DNASE1: variants seen among roughly 807,000 people sequenced by gnomAD.
DNASE1 encodes deoxyribonuclease-1.
Under a neutral mutation model 33.9 loss-of-function variants are expected in DNASE1, and 40 were observed. The ratio of observed to expected loss-of-function variants is 1.18; its 90% confidence interval spans 0.92 to 1.54. DNASE1 has a LOEUF of 1.54. DNASE1 is among the 40% of genes most tolerant of loss of function. DNASE1 has a pLI of 0.00. For synonymous variants in DNASE1, 216 were observed against 160.0 expected (o/e 1.35, Z -2.64); for missense variants, 518 against 372.6 (o/e 1.39, Z -3.21).
intron 1 of DNASE1, among the ~76,000 whole-genome samples, chr16:3,643,909 CGCCATCATGCCCG>C (rs1453144668): frequency 6.6e-6 from 1 of 152,034 alleles, no homozygotes; most frequent in Non-Finnish European, 1.5e-5. Flanking sequence ...TACAGGCGCC[CGCCATCATGCCCG>C]GCTAATTTTT....
intron 1 of DNASE1, among the ~76,000 whole-genome samples, chr16:3,646,985 A>G (rs2042191729): frequency 6.6e-6 from 1 of 152,120 alleles, no homozygotes; most frequent in South Asian, 2.1e-4. Flanking sequence ...ATGATGCCTG[A>G]TGCCCGATGC....
In DNASE1 at chr16:3,655,605, G is replaced by A. The variant is rs370148929; in HGVS notation, c.147+85G>A. 2.1e-5 allele frequency: 34 copies of A among 1,596,314 alleles called. No individual in the cohort carries two copies. The African/African-American group carries it at 2.5e-4, about 12-fold the overall frequency. ...GCAGGGCCAGCCCTATGGAGCCACAGGGTGTCGGGTGTGGGGTACTGAGCA... is the reference window on the plus strand; with the variant it reads ...GCAGGGCCAGCCCTATGGAGCCACAAGGTGTCGGGTGTGGGGTACTGAGCA... On this transcript the variant is annotated intron_variant, in intron 2 of 8. Transcript: ENST00000246949.
At chr16:3,616,905 G>A (rs2041122807) in intron 1 of DNASE1, among the ~76,000 whole-genome samples, 1 of 152,162 alleles carries the variant, frequency 6.6e-6, no homozygotes, top group South Asian at 2.1e-4. Context: ...AAAGAGTAGT[G>A]TCTTCCACAA....
At chr16:3,661,258 AAAAG>A (rs1390388982), downstream of DNASE1, 2 of 152,206 alleles carry the variant, frequency 1.3e-5, no homozygotes, top group East Asian at 3.8e-4. Context: ...TGATACTGTA[AAAAG>A]AAAGAAACTC....
At chr16:3,634,634 C>G (rs760622089) in intron 1 of DNASE1, among the ~76,000 whole-genome samples, 7 of 151,972 alleles carry the variant, frequency 4.6e-5, no homozygotes, top group Non-Finnish European at 7.4e-5. Flanking sequence ...TTCAGCCCCT[C>G]AAGTAGCTGA....
At chr16:3,639,984 C>G (rs1022414128), upstream of DNASE1, among the ~76,000 whole-genome samples, 2 of 152,100 alleles carry the variant, frequency 1.3e-5, no homozygotes, top group African/African-American at 4.8e-5. Context: ...CAGTTAAGTC[C>G]CTTGGAAGCA....
chr16:3,657,904 A>T lies in DNASE1; in HGVS notation c.802-2A>T, dbSNP rs761644634. 2.5e-6 allele frequency: 4 copies of T among 1,614,004 alleles called. No homozygotes were observed. The South Asian group carries it at 4.4e-5, about 18-fold the overall frequency. Reference sequence around the variant, plus strand: ...CCAGACCCTGTGCCCACTTGCCTGCAGGCCCAAGCCATCAGTGACCACTAT... The same window carrying T: ...CCAGACCCTGTGCCCACTTGCCTGCTGGCCCAAGCCATCAGTGACCACTAT... On this transcript the variant is annotated splice_acceptor_variant, in intron 8 of 8. Coordinates refer to ENST00000246949, the MANE Select transcript of DNASE1 (RefSeq NM_005223.4). LOFTEE classifies it high-confidence loss of function.
chr16:3,637,959 C>G (rs369558362), upstream of DNASE1, among the ~76,000 whole-genome samples: 1 of 152,136 alleles, frequency 6.6e-6, no homozygotes, highest in Non-Finnish European at 1.5e-5. Context: ...GGGTTGTTTG[C>G]CAGTTCAGTG....
At chr16:3,643,386 G>T (rs1483064784) in intron 1 of DNASE1, among the ~76,000 whole-genome samples, 1 of 152,264 alleles carries the variant, frequency 6.6e-6, no homozygotes, top group Non-Finnish European at 1.5e-5. Context: ...GTTGGGGCCT[G>T]TCAGGTGCAG....
upstream of DNASE1, among the ~76,000 whole-genome samples, chr16:3,638,556 T>G (rs2041942492): frequency 6.6e-6 from 1 of 152,222 alleles, no homozygotes; most frequent in Non-Finnish European, 1.5e-5. Context: ...GCCAGGATGG[T>G]CTTGTTCTCC....
intron 1 of DNASE1, among the ~76,000 whole-genome samples, chr16:3,621,332 C>G (rs1021660447): frequency 4.6e-5 from 7 of 152,186 alleles, no homozygotes; most frequent in Admixed American, 1.3e-4. Context: ...GGTGATCCTC[C>G]TGCCTCCAAA....
At chr16:3,641,168 G>A (rs949610729), upstream of DNASE1, 3 of 387,218 alleles carry the variant, frequency 7.7e-6, no homozygotes, top group Non-Finnish European at 4.6e-6. Flanking sequence ...TGTGGGGGGC[G>A]TGGCCCTGAC....
At chr16:3,644,834 A>C (rs1180543873) in intron 1 of DNASE1, among the ~76,000 whole-genome samples, 1 of 152,088 alleles carries the variant, frequency 6.6e-6, no homozygotes, top group Non-Finnish European at 1.5e-5. Context: ...GGTCAATAGA[A>C]AATACATAGT....
intron 1 of DNASE1, among the ~76,000 whole-genome samples, chr16:3,628,619 G>A (rs1209600099): frequency 2.0e-5 from 3 of 150,730 alleles, no homozygotes; most frequent in Non-Finnish European, 3.0e-5. Flanking sequence ...GTGCAGTGGC[G>A]CAATCTCGGC....
At chr16:3,619,265 C>T (rs142169335) in intron 1 of DNASE1, among the ~76,000 whole-genome samples, 12 of 152,202 alleles carry the variant, frequency 7.9e-5, no homozygotes, top group East Asian at 1.9e-4. Flanking sequence ...CAAACTCCTG[C>T]GCTCAAGTGA....
chr16:3,633,100 G>A (rs1469792600), intron 1 of DNASE1, among the ~76,000 whole-genome samples: 1 of 152,072 alleles, frequency 6.6e-6, no homozygotes, highest in Non-Finnish European at 1.5e-5. Context: ...CTTATTTGAT[G>A]TATTTAGAAC....
chr16:3,663,428 G>T lies in DNASE1; in HGVS notation c.*5475G>T, dbSNP rs749004012. On this transcript the variant is annotated 3_prime_UTR_variant, in exon 10 of 10. Coordinates refer to the DNASE1 transcript ENST00000407479. ...TAGAGAGCAGGGGATGCCGACCTGG[G>T]GACCTGTCCTCAAACTTCTCCTCCT... The T allele has an allele frequency of 2.5e-6, 4 of 1,614,020 alleles. No individual in the cohort carries two copies. The East Asian group carries it at 8.9e-5, about 36-fold the overall frequency.
At chr16:3,656,334 C>G (rs966077261) in intron 4 of DNASE1, 149 bp downstream of exon 4, 1 of 879,642 alleles carries the variant, frequency 1.1e-6, no homozygotes, top group Non-Finnish European at 1.8e-6. Context: ...ACCCCAAGGT[C>G]CCGGACCAAT....
At chr16:3,661,406 G>A (rs542522871), downstream of DNASE1, 1 of 152,288 alleles carries the variant, frequency 6.6e-6, no homozygotes, top group South Asian at 2.1e-4. Context: ...CACCCTGGAA[G>A]CAGCTCCCAC....
Sources: allele counts gnomAD v4.1 joint callset (sites outside exome capture counted in the v4.1 genomes callset), GRCh38; gene constraint gnomAD v4.1.1; transcripts MANE v1.5; gene names NCBI Gene and HGNC (gene_info 2026-07-23, HGNC 2026-07-21).